LDLRAD4: variants seen among roughly 807,000 people sequenced by gnomAD.
LDLRAD4 encodes low-density lipoprotein receptor class A domain-containing protein 4.
Under a neutral mutation model 17.0 loss-of-function variants are expected in LDLRAD4, and 5 were observed. That is an observed-to-expected ratio of 0.29 (90% confidence interval 0.15 to 0.62). LDLRAD4 has a LOEUF of 0.62. LDLRAD4 is among the 20% of genes least tolerant of loss of function. The pLI, the probability that LDLRAD4 is intolerant of heterozygous loss-of-function variation, is 0.84. For missense variants in LDLRAD4, 340 were observed against 424.7 expected, an observed-to-expected ratio of 0.80 and a Z score of 1.75; for synonymous variants, 168 against 171.8, an observed-to-expected ratio of 0.98 and a Z score of 0.17.
At chr18:13,341,661 A>C (rs1233500861) in intron 1 of LDLRAD4, among the ~76,000 whole-genome samples, 1 of 152,108 alleles carries the variant, frequency 6.6e-6, no homozygotes, top group African/African-American at 2.4e-5. Context: ...TTCTACATAT[A>C]AGATCATGAC....
At position 13,361,472 on chromosome 18, in the gene LDLRAD4, G is replaced by A. The variant is rs117834779; in HGVS notation, c.-382-25869G>A. Among the ~76,000 whole-genome samples the A allele has an allele frequency of 6.8e-3, 1,043 of 152,276 alleles. 5 individuals carry two copies. Among genetic ancestry groups the A allele is most frequent in the Middle Eastern group, 0.014 (4 of 294 alleles). ...CTTCTTGTTGCACCTCGCTTTGTTT[G>A]GTGGTTCCAGGCCCTCAGTACAGTT... On this transcript the variant is annotated intron_variant, in intron 1 of 5. Transcript: ENST00000359446.
chr18:13,223,681 G>T (rs2041592597), intron 1 of LDLRAD4, among the ~76,000 whole-genome samples: 1 of 152,198 alleles, frequency 6.6e-6, no homozygotes, highest in Non-Finnish European at 1.5e-5. Context: ...GGGCACGTGG[G>T]CAGATAATAA....
At chr18:13,629,448 G>A (rs943021292) in intron 4 of LDLRAD4, among the ~76,000 whole-genome samples, 8 of 152,198 alleles carry the variant, frequency 5.3e-5, no homozygotes, top group African/African-American at 1.9e-4. Flanking sequence ...AAGGAAGTAA[G>A]GACAAAGGAA....
chr18:13,220,650 C>G (rs979542297), intron 1 of LDLRAD4, among the ~76,000 whole-genome samples: 1 of 152,198 alleles, frequency 6.6e-6, no homozygotes, highest in Non-Finnish European at 1.5e-5. Context: ...TTGCCTGGCA[C>G]GCGGAGAGCA....
intron 3 of LDLRAD4, chr18:13,490,443 C>T (rs2093335239): frequency 6.6e-6 from 1 of 152,186 alleles, no homozygotes; most frequent in Non-Finnish European, 1.5e-5. Flanking sequence ...ACTTCTGACT[C>T]CAGGCATTTT....
At chr18:13,409,957 C>A (rs1568113673) in intron 2 of LDLRAD4, among the ~76,000 whole-genome samples, 1 of 152,130 alleles carries the variant, frequency 6.6e-6, no homozygotes, top group Non-Finnish European at 1.5e-5. Flanking sequence ...AGGTCAACAT[C>A]AGCAACAATA....
chr18:13,413,922 T>A (rs1309086790), intron 2 of LDLRAD4, among the ~76,000 whole-genome samples: 1 of 152,066 alleles, frequency 6.6e-6, no homozygotes, highest in Non-Finnish European at 1.5e-5. Context: ...AATTTTTTTT[T>A]AAATCACTGG....
At chr18:13,417,969 C>T (rs1035697303) in intron 2 of LDLRAD4, among the ~76,000 whole-genome samples, 4 of 152,172 alleles carry the variant, frequency 2.6e-5, no homozygotes, top group East Asian at 1.9e-4. Flanking sequence ...CACTTATCCA[C>T]GGAGGAAGTG....
At chr18:13,644,842 A>G in intron 5 of LDLRAD4, 1 of 419,200 alleles carries the variant, frequency 2.4e-6, no homozygotes, top group East Asian at 4.2e-5. Context: ...CGTAGCACGC[A>G]CAGAAACTCC....
rs2094075425 is a variant in LDLRAD4 at position 13,528,649 on chromosome 18, C to T, written c.181+90265C>T. Reference sequence around the variant, plus strand: ...GCTGTTATTATCATCTGTTTTCAACCTCTCAACAAGGTTAGTATAATTTAC... The same window carrying T: ...GCTGTTATTATCATCTGTTTTCAACTTCTCAACAAGGTTAGTATAATTTAC... On this transcript the variant is annotated intron_variant, in intron 3 of 5. Transcript: ENST00000359446. Among the ~76,000 whole-genome samples, 4 of 152,322 alleles carry T rather than the reference C, an allele frequency of 2.6e-5. No homozygotes were observed. The South Asian group carries it at 8.3e-4, about 32-fold the overall frequency.
chr18:13,257,744 G>A (rs2043585452), intron 1 of LDLRAD4, among the ~76,000 whole-genome samples: 1 of 152,206 alleles, frequency 6.6e-6, no homozygotes, highest in Admixed American at 6.5e-5. Flanking sequence ...GGTGCTCCTA[G>A]CATCTAGTGG....
At chr18:13,404,223 G>A (rs537934514) in intron 2 of LDLRAD4, among the ~76,000 whole-genome samples, 5 of 152,344 alleles carry the variant, frequency 3.3e-5, no homozygotes, top group African/African-American at 4.8e-5. Flanking sequence ...CGGGGGTGCC[G>A]TGGCACAGGC....
intron 4 of LDLRAD4, among the ~76,000 whole-genome samples, chr18:13,639,304 C>T (rs1390783272): frequency 6.6e-6 from 1 of 152,172 alleles, no homozygotes; most frequent in Non-Finnish European, 1.5e-5. Flanking sequence ...AGTGAAGAGA[C>T]CCCCAACCTA....
intron 3 of LDLRAD4, among the ~76,000 whole-genome samples, chr18:13,601,832 A>G (rs2095166865): frequency 6.6e-6 from 1 of 152,214 alleles, no homozygotes; most frequent in Non-Finnish European, 1.5e-5. Context: ...AGGAAAATAA[A>G]TCAGTCTACC....
chr18:13,421,843 T>TAGCCTGGGGGACG (rs1212011514), intron 2 of LDLRAD4, among the ~76,000 whole-genome samples: 2 of 152,340 alleles, frequency 1.3e-5, no homozygotes, highest in Non-Finnish European at 2.9e-5. Context: ...GCCAGAAAGC[T>TAGCCTGGGGGACG]AGCCTGGGGG....
intron 3 of LDLRAD4, among the ~76,000 whole-genome samples, chr18:13,616,810 C>T (rs2040125931): frequency 6.6e-6 from 1 of 152,224 alleles, no homozygotes; most frequent in African/African-American, 2.4e-5. Context: ...CCCCACGGGG[C>T]CACTCGATTC....
Position 13,349,490 on chromosome 18 carries a change from C to T in LDLRAD4, c.-382-37851C>T, listed in dbSNP as rs374266069. Among the ~76,000 whole-genome samples the T allele has an allele frequency of 3.9e-5, 6 of 152,272 alleles. No homozygotes were observed. The East Asian group carries it at 5.8e-4, about 15-fold the overall frequency. ...TTTACCAGAGGACTTTGTATTTCCA[C>T]GAGGCTCCAAGTTACTGTCTAGTGT... On this transcript the variant is annotated intron_variant, in intron 1 of 5. Coordinates refer to ENST00000359446, the Ensembl canonical transcript of LDLRAD4.
intron 2 of LDLRAD4, among the ~76,000 whole-genome samples, chr18:13,392,417 T>C (rs1041501783): frequency 1.3e-5 from 2 of 152,230 alleles, no homozygotes; most frequent in African/African-American, 2.4e-5. Context: ...CTGTCATTCA[T>C]TGAGCAATGA....
intron 4 of LDLRAD4, among the ~76,000 whole-genome samples, chr18:13,630,663 C>T (rs2148887805): frequency 6.6e-6 from 1 of 152,324 alleles, no homozygotes; most frequent in African/African-American, 2.4e-5. Flanking sequence ...TGCCCTCTGT[C>T]CTCAGTTTCC....
Sources: allele counts gnomAD v4.1 joint callset (sites outside exome capture counted in the v4.1 genomes callset), GRCh38; gene constraint gnomAD v4.1.1; transcripts MANE v1.5; gene names NCBI Gene and HGNC (gene_info 2026-07-23, HGNC 2026-07-21).